ZBTB8OS: variants seen among roughly 807,000 people sequenced by gnomAD.
The protein encoded by ZBTB8OS is tRNA-splicing ligase-activating factor archease.
A neutral mutation model predicts 29.3 loss-of-function variants in ZBTB8OS; 16 were observed. The observed-to-expected ratio is 0.55, with a 90% CI of 0.37 to 0.83. ZBTB8OS has a LOEUF of 0.83. Among genes scored for constraint, ZBTB8OS ranks in the 40% least tolerant of loss-of-function variants. The pLI is 0.00. For missense variants in ZBTB8OS, 160 were observed against 196.9 expected (o/e 0.81, Z 1.12); for synonymous variants, 70 against 64.6 (o/e 1.08, Z -0.40).
intron 6 of ZBTB8OS, among the ~76,000 whole-genome samples, chr1:32,625,909 C>T (rs529140910): frequency 2.7e-5 from 4 of 150,164 alleles, no homozygotes; most frequent in South Asian, 2.1e-4. Context: ...TTGCTCTTGT[C>T]GCCCAGGCTG....
chr1:32,639,413 A>G (rs767652034), intron 1 of ZBTB8OS, among the ~76,000 whole-genome samples: 1 of 152,078 alleles, frequency 6.6e-6, no homozygotes, highest in Admixed American at 6.6e-5. Context: ...CCTGGGCTCA[A>G]GTGCTTACCA....
intron 1 of ZBTB8OS, among the ~76,000 whole-genome samples, chr1:32,635,276 C>CTTT (rs4011958): frequency 3.5e-5 from 5 of 141,906 alleles, no homozygotes; most frequent in African/African-American, 7.8e-5. Flanking sequence ...TATCATGACT[C>CTTT]TTTTTTTTTT....
At chr1:32,643,500 C>T (rs182704019) in intron 1 of ZBTB8OS, among the ~76,000 whole-genome samples, 287 of 151,548 alleles carry the variant, frequency 1.9e-3, no homozygotes, top group Non-Finnish European at 3.1e-3. Context: ...TCAAGAGATC[C>T]CTCCTGCCTC....
intron 6 of ZBTB8OS, among the ~76,000 whole-genome samples, chr1:32,626,659 C>T (rs533165524): frequency 6.6e-6 from 1 of 152,302 alleles, no homozygotes; most frequent in South Asian, 2.1e-4. Flanking sequence ...AGTGATTCTC[C>T]TGCCTCAGCC....
intron 6 of ZBTB8OS, 56 bp downstream of exon 6, chr1:32,627,452 G>A: frequency 6.5e-7 from 1 of 1,529,444 alleles, no homozygotes; most frequent in East Asian, 2.2e-5. Flanking sequence ...TCACATATAT[G>A]AACTTTATGG....
At position 32,634,696 on chromosome 1, in the gene ZBTB8OS, G is replaced by A. The variant is rs1285814107; in HGVS notation, c.122+72C>T. The stretch of plus-strand genomic sequence containing the variant: ...ATGAGAGGAGAAAAATTAAAGATAG[G>A]GATACCAAGATTGAAACATTCAGTC... On this transcript the variant is annotated intron_variant, in intron 2 of 6. Transcript: ENST00000468695. 13 of 1,598,182 alleles carry A rather than the reference G, an allele frequency of 8.1e-6. No individual in the cohort carries two copies. The Middle Eastern group carries it at 9.9e-4, about 122-fold the overall frequency.
intron 1 of ZBTB8OS, among the ~76,000 whole-genome samples, chr1:32,647,677 A>G (rs768314841): frequency 1.3e-5 from 2 of 152,182 alleles, no homozygotes; most frequent in Non-Finnish European, 2.9e-5. Flanking sequence ...TGAACTGCAC[A>G]TTGAGGGATC....
At chr1:32,633,614 T>G in intron 4 of ZBTB8OS, 31 bp downstream of exon 4, 1 of 1,475,080 alleles carries the variant, frequency 6.8e-7, no homozygotes, top group Non-Finnish European at 9.3e-7. Flanking sequence ...AGAATCCATT[T>G]GCTCAGTAAA....
At chr1:32,639,344 C>G (rs1287705072) in intron 1 of ZBTB8OS, among the ~76,000 whole-genome samples, 2 of 151,788 alleles carry the variant, frequency 1.3e-5, no homozygotes, top group South Asian at 2.1e-4. Flanking sequence ...CTATGTTGCC[C>G]AGGCTGGAGT....
At chr1:32,630,553 AAATCAATC>A (rs948641642) in intron 5 of ZBTB8OS, among the ~76,000 whole-genome samples, 1 of 151,832 alleles carries the variant, frequency 6.6e-6, no homozygotes, top group Non-Finnish European at 1.5e-5. Flanking sequence ...ACCCTGTCTC[AAATCAATC>A]AATCAATCAA....
rs572159511 is a variant in ZBTB8OS at position 32,640,991 on chromosome 1, CCT to C, written c.98-6201_98-6200del. On this transcript the variant is annotated intron_variant, in intron 1 of 6. Transcript: ENST00000468695. ...ACCAGCCTGGCCAACACGGTGAAACCCTGTCTCTACTAAAAATACAAAAAAAA... is the reference window on the plus strand; with the variant it reads ...ACCAGCCTGGCCAACACGGTGAAACCGTCTCTACTAAAAATACAAAAAAAA... Among the ~76,000 whole-genome samples the C allele has an allele frequency of 1.9e-3, 190 of 97,630 alleles. 2 individuals are homozygous for C. Among genetic ancestry groups the C allele is most frequent in the African/African-American group, 7.3e-3 (185 of 25,416 alleles). The allele number at this position is 97,630 out of a possible 152,430, so 64.0% of individuals were successfully genotyped here. A position where few individuals can be genotyped will look rare whatever the true frequency, so the allele number is the denominator to read the frequency against.
chr1:32,638,982 CT>C (rs1402295246), intron 1 of ZBTB8OS, among the ~76,000 whole-genome samples: 1 of 151,766 alleles, frequency 6.6e-6, no homozygotes, highest in African/African-American at 2.4e-5. Context: ...TATCTTTTTG[CT>C]TTTATTTATT....
intron 1 of ZBTB8OS, among the ~76,000 whole-genome samples, chr1:32,635,076 T>A (rs1202905956): frequency 6.6e-6 from 1 of 150,784 alleles, no homozygotes; most frequent in African/African-American, 2.4e-5. Flanking sequence ...AATAAATAAA[T>A]AAATAAAATT....
chr1:32,625,418 C>T lies in ZBTB8OS; in HGVS notation c.417+2090G>A, dbSNP rs1415494035. ...GTATGGCGTCATGTGCCTGTAATCACAGCTACTTGTGAGGCTGAGGCAGGA... is the reference window on the plus strand; with the variant it reads ...GTATGGCGTCATGTGCCTGTAATCATAGCTACTTGTGAGGCTGAGGCAGGA... On this transcript the variant is annotated intron_variant, in intron 6 of 6. Transcript: ENST00000468695. Among the ~76,000 whole-genome samples, 9 of 152,114 alleles carry T rather than the reference C, an allele frequency of 5.9e-5. No individual in the cohort carries two copies. In the East Asian group the frequency reaches 1.7e-3, roughly 29 times the overall value.
intron 6 of ZBTB8OS, among the ~76,000 whole-genome samples, chr1:32,624,521 G>A (rs982881498): frequency 2.0e-5 from 3 of 152,200 alleles, no homozygotes; most frequent in Non-Finnish European, 2.9e-5. Context: ...TTAAAACCAG[G>A]AAGGTATTTT....
intron 1 of ZBTB8OS, among the ~76,000 whole-genome samples, chr1:32,649,249 T>TCAAA (rs1647093874): frequency 6.6e-6 from 1 of 152,066 alleles, no homozygotes; most frequent in Non-Finnish European, 1.5e-5. Context: ...ATTATAAGTG[T>TCAAA]GAGCCACCGC....
chr1:32,634,083 A>G lies in ZBTB8OS; in HGVS notation c.123-11T>C, dbSNP rs1382487882. 1.3e-6 allele frequency: 2 copies of G among 1,542,884 alleles called. No individual in the cohort carries two copies. The highest frequency in any genetic ancestry group is 8.7e-7 in the Non-Finnish European group (1 of 1,154,480). The stretch of plus-strand genomic sequence containing the variant: ...CCCCATGCGTGTAACCTAAAGAAGT[A>G]TATTCATGCTCTGTGTAATACAATC... On this transcript the variant is annotated splice_polypyrimidine_tract_variant and intron_variant, in intron 2 of 6. Coordinates refer to ENST00000468695, the MANE Select transcript of ZBTB8OS (RefSeq NM_178547.5).
intron 1 of ZBTB8OS, 61 bp downstream of exon 1, chr1:32,650,372 G>T: frequency 6.2e-7 from 1 of 1,603,238 alleles, no homozygotes; most frequent in Non-Finnish European, 8.5e-7. Context: ...GGAAGCCGCG[G>T]GTAAGGAGAG....
rs765003606 is a variant in ZBTB8OS at position 32,650,460 on chromosome 1, A to G, written c.70T>C (p.Tyr24His). 6.2e-7 allele frequency: 1 copy of G among 1,614,212 alleles called. No individual in the cohort carries two copies. The highest frequency in any genetic ancestry group is 8.5e-7 in the Non-Finnish European group (1 of 1,180,034). ...TEEQKAIKAK[Y>H]PPVNRKYEYL... ...TCGTACTTCCTATTGACTGGCGGAT[A>G]CTTGGCCTTGATCGCCTTCTGTTCT... Residue 24 changes from tyrosine to histidine, a missense_variant, in exon 1 of 7, where the codon TAT (tyrosine) becomes CAT (histidine). Coordinates refer to ENST00000468695, the MANE Select transcript of ZBTB8OS (RefSeq NM_178547.5).
Sources: gnomAD v4.1 joint callset for allele counts (sites outside exome capture counted in the v4.1 genomes callset) on GRCh38, gnomAD v4.1.1 for gene constraint, MANE v1.5 for transcripts, NCBI Gene and HGNC (gene_info 2026-07-23, HGNC 2026-07-21) for gene names.